The following CABIN1 variants were observed in gnomAD, a reference collection of about 807,000 sequenced individuals.
The protein encoded by CABIN1 is calcineurin binding protein 1, also known as calcineurin-binding protein cabin-1.
CABIN1 carries 133 observed loss-of-function variants against 227.7 expected under a neutral mutation model. The ratio of observed to expected loss-of-function variants is 0.58; its 90% CI spans 0.51 to 0.67. The LOEUF is 0.67. CABIN1 is among the 30% of genes least tolerant of loss of function. The pLI, the probability that CABIN1 is intolerant of heterozygous loss-of-function variation, is 0.00. For synonymous variants in CABIN1, 1,086 were observed against 1,155.1 expected (o/e 0.94, Z 1.21); for missense variants, 2,408 against 2,852.5 (o/e 0.84, Z 3.55).
chr22:24,148,217 G>A (rs1253694816), intron 29 of CABIN1, among the ~76,000 whole-genome samples: 1 of 152,242 alleles, frequency 6.6e-6, no homozygotes, highest in Non-Finnish European at 1.5e-5. Flanking sequence ...GGCCCAGGTG[G>A]TACCTCCCAT....
rs992275743 is a variant in CABIN1, at chr22:24,110,632, AAC to A, written c.4118-2932_4118-2931del. 2.6e-4 allele frequency among the ~76,000 whole-genome samples: 6 copies of A among 22,666 alleles called. No individual in the cohort carries two copies. The Admixed American group carries it at 3.5e-3, about 13-fold the overall frequency. 14.9% of individuals were successfully genotyped at this position (22,666 alleles called of 152,430 possible). On this transcript the variant is annotated intron_variant, in intron 26 of 36. Coordinates refer to ENST00000263119, the MANE Select transcript of CABIN1 (RefSeq NM_012295.4). Reference sequence around the variant, plus strand: ...CTCAGTTTTTGTTTGCCTGGAAAAAAACAAACCTTTTTTTTTCCTGCAATTTT... The same window carrying A: ...CTCAGTTTTTGTTTGCCTGGAAAAAAAAACCTTTTTTTTTCCTGCAATTTT...
chr22:24,170,054 C>T (rs2046699819), intron 33 of CABIN1: 1 of 450,674 alleles, frequency 2.2e-6, no homozygotes, highest in African/African-American at 2.0e-5. Context: ...CCCCAGCAGT[C>T]TCCTCCCAGT....
chr22:24,099,517 A>G (rs1195970394), intron 26 of CABIN1, among the ~76,000 whole-genome samples: 1 of 152,068 alleles, frequency 6.6e-6, no homozygotes, highest in Non-Finnish European at 1.5e-5. Context: ...TTAAGCAGAG[A>G]TGGGAAGAAC....
At chr22:24,076,647 G>C (rs79436802) in intron 19 of CABIN1, among the ~76,000 whole-genome samples, 1 of 152,058 alleles carries the variant, frequency 6.6e-6, no homozygotes, top group African/African-American at 2.4e-5. Context: ...CACCACCACC[G>C]CCTTCTATTG....
intron 34 of CABIN1, chr22:24,175,690 T>A: frequency 3.4e-6 from 1 of 292,878 alleles, no homozygotes; most frequent in Non-Finnish European, 6.7e-6. Flanking sequence ...GCGTCTACTT[T>A]GGTCTTAGTT....
intron 29 of CABIN1, 127 bp downstream of exon 29, chr22:24,134,542 G>A (rs2044273837): frequency 4.0e-6 from 3 of 743,818 alleles, no homozygotes; most frequent in African/African-American, 3.5e-5. Flanking sequence ...CAGAGGGCAG[G>A]CAGGGTGGTA....
At chr22:24,074,522 C>T (rs781626917) in intron 18 of CABIN1, among the ~76,000 whole-genome samples, 14 of 152,092 alleles carry the variant, frequency 9.2e-5, no homozygotes, top group Non-Finnish European at 1.5e-4. Context: ...CCATCCCACC[C>T]TTGGCCTTGG....
intron 1 of CABIN1, among the ~76,000 whole-genome samples, chr22:24,025,214 T>C (rs769835617): frequency 1.3e-5 from 2 of 152,212 alleles, no homozygotes; most frequent in Admixed American, 6.5e-5. Context: ...ATTTTTGACT[T>C]TTTCAAACTA....
intron 26 of CABIN1, among the ~76,000 whole-genome samples, chr22:24,106,121 C>T (rs1029161938): frequency 6.6e-6 from 1 of 152,220 alleles, no homozygotes; most frequent in African/African-American, 2.4e-5. Context: ...TGCTAGGCTG[C>T]GTTCAGCTGT....
Position 24,047,019 on chromosome 22 carries a change from T to C in CABIN1, c.527-2072T>C, listed in dbSNP as rs1298265364. On this transcript the variant is annotated intron_variant, in intron 6 of 36. Coordinates refer to ENST00000263119, the MANE Select transcript of CABIN1 (RefSeq NM_012295.4). ...CTGATTGGATGAGGCCCCCCCACAT[T>C]AGGGAGGGCGATCTGCTTTACTCAG... 2.0e-5 allele frequency among the ~76,000 whole-genome samples: 3 copies of C among 152,100 alleles called. No individual in the cohort carries two copies. In the East Asian group the frequency reaches 5.8e-4, roughly 29 times the overall value.
chr22:24,149,481 A>C (rs2045355250), intron 29 of CABIN1, among the ~76,000 whole-genome samples: 1 of 152,220 alleles, frequency 6.6e-6, no homozygotes, highest in African/African-American at 2.4e-5. Context: ...GACATGCTAC[A>C]GATAGGCTCA....
At chr22:24,137,425 A>C (rs991020762) in intron 29 of CABIN1, among the ~76,000 whole-genome samples, 1 of 152,096 alleles carries the variant, frequency 6.6e-6, no homozygotes. Flanking sequence ...AAGCAGTCTG[A>C]GGTTGTGTGC....
rs144875744 is a variant in CABIN1 at position 24,117,491 on chromosome 22, C to T, written c.4301-1876C>T. On this transcript the variant is annotated intron_variant, in intron 27 of 36. Coordinates refer to ENST00000263119, the MANE Select transcript of CABIN1 (RefSeq NM_012295.4). ...CTGGGATTACAGGCGTGAGCCACCACGCCCAGCCTAAAACTGGGTTCTTGT... is the reference window on the plus strand; with the variant it reads ...CTGGGATTACAGGCGTGAGCCACCATGCCCAGCCTAAAACTGGGTTCTTGT... Among the ~76,000 whole-genome samples the T allele has an allele frequency of 1.4e-4, 21 of 152,034 alleles. No homozygotes were observed. In the East Asian group the frequency reaches 3.3e-3, roughly 24 times the overall value.
At chr22:24,041,825 T>C (rs904396323) in intron 5 of CABIN1, among the ~76,000 whole-genome samples, 105 of 152,372 alleles carry the variant, frequency 6.9e-4, no homozygotes, top group African/African-American at 2.4e-3. Context: ...AAGGAGTCTT[T>C]ATCCTCACTT....
rs1373594768 is a variant in CABIN1, at chr22:24,136,735, ACACG to A, written c.4746+2324_4746+2327del. Reference sequence around the variant, plus strand: ...ACTACAAACAATACATCACACACACACACGCACACACACACACACACACACACAC... The same window carrying A: ...ACTACAAACAATACATCACACACACACACACACACACACACACACACACAC... On this transcript the variant is annotated intron_variant, in intron 29 of 36. Transcript: ENST00000263119. 1.3e-4 allele frequency among the ~76,000 whole-genome samples: 18 copies of A among 142,824 alleles called. No homozygotes were observed. In the East Asian group the frequency reaches 3.8e-3, roughly 30 times the overall value. The allele number at this position is 142,824 out of a possible 152,430, so 93.7% of individuals were successfully genotyped here.
intron 10 of CABIN1, among the ~76,000 whole-genome samples, chr22:24,058,525 C>T (rs1248380241): frequency 6.6e-6 from 1 of 152,192 alleles, no homozygotes; most frequent in African/African-American, 2.4e-5. Flanking sequence ...GGAGAGGCAT[C>T]CCCAGTCCCG....
In CABIN1 at chr22:24,067,187, T is replaced by A; in HGVS notation, c.2232+6T>A. 1 of 1,614,178 alleles carries A rather than the reference T, an allele frequency of 6.2e-7. No homozygotes were observed. Among genetic ancestry groups the A allele is most frequent in the South Asian group, 1.1e-5 (1 of 91,078 alleles). On this transcript the variant is annotated splice_donor_region_variant and intron_variant, in intron 16 of 36. Transcript: ENST00000263119. ...CCCAGCTGCTTCTTCTGCAGGTGTGTGCTGCCAGTGTCCCTCACACCCACT... is the reference window on the plus strand; with the variant it reads ...CCCAGCTGCTTCTTCTGCAGGTGTGAGCTGCCAGTGTCCCTCACACCCACT...
At chr22:24,147,992 C>T (rs1286337894) in intron 29 of CABIN1, among the ~76,000 whole-genome samples, 1 of 152,172 alleles carries the variant, frequency 6.6e-6, no homozygotes. Flanking sequence ...CAGGAAGAGG[C>T]TGAGGGAGGG....
At chr22:24,175,321 G>C (rs544635916) in intron 34 of CABIN1, among the ~76,000 whole-genome samples, 1 of 152,204 alleles carries the variant, frequency 6.6e-6, no homozygotes, top group African/African-American at 2.4e-5. Flanking sequence ...GCTTTGTACC[G>C]GGAGCTGTCA....
Sources: allele counts gnomAD v4.1 joint callset (sites outside exome capture counted in the v4.1 genomes callset), GRCh38; gene constraint gnomAD v4.1.1; transcripts MANE v1.5; gene names NCBI Gene and HGNC (gene_info 2026-07-23, HGNC 2026-07-21).